The following GAN variants were observed in gnomAD, a reference collection of about 807,000 sequenced individuals.
GAN encodes epididymis secretory sperm binding protein.
Under a neutral mutation model 71.3 loss-of-function variants are expected in GAN, and 48 were observed. The ratio of observed to expected loss-of-function variants is 0.67; its 90% CI spans 0.53 to 0.86. The LOEUF is 0.86. Ranked by LOEUF, GAN falls within the 40% of genes least tolerant of loss-of-function variation. GAN has a pLI of 0.00. For missense variants in GAN, 928 were observed against 770.1 expected, an observed-to-expected ratio of 1.21 and a Z score of -2.43; for synonymous variants, 386 against 276.8, an observed-to-expected ratio of 1.39 and a Z score of -3.92.
In GAN at chr16:81,319,714, C is replaced by A. The variant is rs374009420; in HGVS notation, c.167+4434C>A. 3.9e-5 allele frequency among the ~76,000 whole-genome samples: 6 copies of A among 152,080 alleles called. No individual in the cohort carries two copies. In the South Asian group the frequency reaches 1.0e-3, roughly 26 times the overall value. On this transcript the variant is annotated intron_variant, in intron 1 of 10. Transcript: ENST00000648994. ...ATGTAAGTGGCTTCCCCCCGACCCCCCCTTATTTTTTGAGAGAAGGCAGGT... is the reference window on the plus strand; with the variant it reads ...ATGTAAGTGGCTTCCCCCCGACCCCACCTTATTTTTTGAGAGAAGGCAGGT...
chr16:81,365,568 C>T (rs1375230519), intron 9 of GAN, 90 bp downstream of exon 9: 5 of 1,299,484 alleles, frequency 3.8e-6, no homozygotes, highest in Non-Finnish European at 5.6e-6. Flanking sequence ...TTTTCAGTCA[C>T]TTTATTAAAT....
chr16:81,353,806 C>G (rs1388645339), intron 2 of GAN, among the ~76,000 whole-genome samples: 1 of 152,022 alleles, frequency 6.6e-6, no homozygotes, highest in Non-Finnish European at 1.5e-5. Context: ...AAAAAACACC[C>G]TTGTATTAGG....
chr16:81,371,116 T>C (rs1207657475), intron 9 of GAN, among the ~76,000 whole-genome samples: 2 of 149,252 alleles, frequency 1.3e-5, no homozygotes, highest in Non-Finnish European at 2.9e-5. Flanking sequence ...CAAATTTATG[T>C]TAGTTATTTA....
At chr16:81,328,646 C>CTTT (rs1417499602) in intron 1 of GAN, among the ~76,000 whole-genome samples, 20 of 29,674 alleles carry the variant, frequency 6.7e-4, no homozygotes, top group Non-Finnish European at 1.1e-3. Flanking sequence ...CAGTGTGTAT[C>CTTT]TTATTTTTTT....
intron 1 of GAN, among the ~76,000 whole-genome samples, chr16:81,336,720 C>G (rs1172239923): frequency 6.6e-6 from 1 of 151,624 alleles, no homozygotes; most frequent in South Asian, 2.1e-4. Context: ...TCAAGTGATT[C>G]TCCCACCTCG....
intron 1 of GAN, among the ~76,000 whole-genome samples, chr16:81,348,376 C>G (rs1399868032): frequency 1.3e-5 from 2 of 152,276 alleles, no homozygotes; most frequent in Middle Eastern, 3.4e-3. Context: ...TTCATTTTAG[C>G]ACAATCTTTA....
intron 1 of GAN, among the ~76,000 whole-genome samples, chr16:81,345,741 T>C: frequency 6.6e-6 from 1 of 152,126 alleles, no homozygotes. Context: ...GCTTAAAGTA[T>C]AATAATAATT....
chr16:81,384,561 G>A lies in GAN; in HGVS notation c.*6965G>A, dbSNP rs973248942. 6.6e-6 allele frequency: 1 copy of A among 152,172 alleles called. No individual in the cohort carries two copies. The highest frequency in any genetic ancestry group is 1.5e-5 in the Non-Finnish European group (1 of 68,032). The allele number at this position is 152,172 out of a possible 1,614,324, so 9.4% of individuals were successfully genotyped here. On this transcript the variant is annotated 3_prime_UTR_variant, in exon 11 of 11. Transcript: ENST00000648994. ...CTGACCCAGTATTTGGGATTTGGGT[G>A]CTTGAGGATACTATTTTTTTCATTT...
chr16:81,343,213 C>G (rs943302641), intron 1 of GAN, among the ~76,000 whole-genome samples: 1 of 152,202 alleles, frequency 6.6e-6, no homozygotes. Flanking sequence ...TGGTACCATT[C>G]CTTCTGAAAC....
intron 9 of GAN, among the ~76,000 whole-genome samples, chr16:81,370,650 T>G (rs1911009345): frequency 6.6e-6 from 1 of 152,226 alleles, no homozygotes; most frequent in Non-Finnish European, 1.5e-5. Flanking sequence ...TGCATGCTGG[T>G]AGGAGCAAGC....
At chr16:81,364,474 C>A (rs1423209130) in intron 7 of GAN, among the ~76,000 whole-genome samples, 1 of 152,106 alleles carries the variant, frequency 6.6e-6, no homozygotes, top group African/African-American at 2.4e-5. Flanking sequence ...ACTATGTTGC[C>A]CCGGCTGGTC....
chr16:81,346,353 T>C (rs888315027), intron 1 of GAN, among the ~76,000 whole-genome samples: 7 of 152,214 alleles, frequency 4.6e-5, no homozygotes, highest in Non-Finnish European at 1.0e-4. Context: ...AGCCACATTG[T>C]GGAACTTGTT....
intron 1 of GAN, among the ~76,000 whole-genome samples, chr16:81,336,768 A>G (rs1342523692): frequency 6.6e-6 from 1 of 152,050 alleles, no homozygotes; most frequent in African/African-American, 2.4e-5. Context: ...GTGAGCCACC[A>G]TGCCAGAAGC....
At position 81,369,799 on chromosome 16, in the gene GAN, T is replaced by C. The variant is rs534951385; in HGVS notation, c.1502+4321T>C. On this transcript the variant is annotated intron_variant, in intron 9 of 10. Transcript: ENST00000648994. ...GGGTTTCACCGTGGTCTCGATCTCC[T>C]GACCTCTTGATCTGCCCGCCTCGGC... 2.0e-3 allele frequency among the ~76,000 whole-genome samples: 298 copies of C among 152,030 alleles called. 1 individual carries two copies. The highest frequency in any genetic ancestry group is 6.8e-3 in the African/African-American group (280 of 41,458).
Position 81,317,058 on chromosome 16 carries a change from C to T in GAN, c.167+1778C>T, listed in dbSNP as rs1909067731. On this transcript the variant is annotated intron_variant, in intron 1 of 10. Transcript: ENST00000648994. Reference sequence around the variant, plus strand: ...ATTTTTAGTAGAGTCGGGGTTTTACCATGTTGGCCAGGCTGGTCTCGAACT... The same window carrying T: ...ATTTTTAGTAGAGTCGGGGTTTTACTATGTTGGCCAGGCTGGTCTCGAACT... 2.0e-5 allele frequency among the ~76,000 whole-genome samples: 3 copies of T among 151,998 alleles called. No homozygotes were observed. The South Asian group carries it at 6.2e-4, about 31-fold the overall frequency.
rs752175061 is a variant in GAN, at chr16:81,377,319, C to A, written c.1603C>A (p.Leu535Ile). 2 of 1,591,546 alleles carry A rather than the reference C, an allele frequency of 1.3e-6. No homozygotes were observed. The highest frequency in any genetic ancestry group is 1.7e-6 in the Non-Finnish European group (2 of 1,159,556). The change falls in exon 10 of 11, where the codon CTT (leucine) becomes ATT (isoleucine). Residue 535 changes from leucine to isoleucine, a missense_variant. Transcript: ENST00000648994. ...AGCCAGTATTTATGTTATTGGAGAT[C>A]TTGATACAGGTAAGAGTGTTACAGT... Reference protein sequence around the residue: ...IGASIYVIGDLDTGTNYDYVR... With the variant: ...IGASIYVIGDIDTGTNYDYVR...
intron 1 of GAN, among the ~76,000 whole-genome samples, chr16:81,340,131 G>T (rs925506156): frequency 6.6e-6 from 1 of 152,008 alleles, no homozygotes; most frequent in Admixed American, 6.6e-5. Context: ...TAGAGATGAG[G>T]TCTTGCTGTG....
At position 81,382,712 on chromosome 16, in the gene GAN, G is replaced by A. The variant is rs1226298535; in HGVS notation, c.*5116G>A. 5 of 152,188 alleles carry A rather than the reference G, an allele frequency of 3.3e-5. No individual in the cohort carries two copies. Among genetic ancestry groups the A allele is most frequent in the African/African-American group, 9.7e-5 (4 of 41,448 alleles). The allele number at this position is 152,188 out of a possible 1,614,324, so 9.4% of individuals were successfully genotyped here. A position where few individuals can be genotyped will look rare whatever the true frequency, so the allele number is the denominator to read the frequency against. On this transcript the variant is annotated 3_prime_UTR_variant, in exon 11 of 11. Coordinates refer to ENST00000648994, the MANE Select transcript of GAN (RefSeq NM_022041.4). ...TTGATAACACAGACTTGGATTGAGT[G>A]TCTGTCATGCCTGCTGGCAGTTAAG...
In GAN at chr16:81,363,710, T is replaced by C. The variant is rs1910754261; in HGVS notation, c.1087-84T>C. Reference sequence around the variant, plus strand: ...TCTATTTTTGCCATCTTTATGTTTCTCTAATTTTTATTAAGTGTATGAATA... The same window carrying C: ...TCTATTTTTGCCATCTTTATGTTTCCCTAATTTTTATTAAGTGTATGAATA... On this transcript the variant is annotated intron_variant, in intron 6 of 10. Coordinates refer to ENST00000648994, the MANE Select transcript of GAN (RefSeq NM_022041.4). 6.4e-6 allele frequency: 9 copies of C among 1,396,406 alleles called. No individual in the cohort carries two copies. The South Asian group carries it at 8.1e-5, about 13-fold the overall frequency. 86.5% of individuals were successfully genotyped at this position (1,396,406 alleles called of 1,614,324 possible).
Sources: allele counts gnomAD v4.1 joint callset (sites outside exome capture counted in the v4.1 genomes callset), GRCh38; gene constraint gnomAD v4.1.1; transcripts MANE v1.5; gene names NCBI Gene and HGNC (gene_info 2026-07-23, HGNC 2026-07-21).